The following TNFRSF21 variants were observed in gnomAD, a reference collection of about 807,000 sequenced individuals.
The protein encoded by TNFRSF21 is tumor necrosis factor receptor superfamily member 21.
In TNFRSF21, 19 loss-of-function variants were observed where a neutral mutation model predicts 45.6. That is an observed-to-expected ratio of 0.42 (90% CI 0.29 to 0.61). TNFRSF21 has a LOEUF of 0.61. TNFRSF21 is among the 20% of genes least tolerant of loss of function. The pLI is 0.23. For synonymous variants in TNFRSF21, 314 were observed against 335.5 expected (o/e 0.94, Z 0.70); for missense variants, 737 against 851.5 (o/e 0.87, Z 1.67).
At chr6:47,283,061 G>GA (rs917793188) in intron 3 of TNFRSF21, among the ~76,000 whole-genome samples, 15 of 152,148 alleles carry the variant, frequency 9.9e-5, no homozygotes, top group Non-Finnish European at 2.1e-4. Flanking sequence ...CTGCTTTTTA[G>GA]AAAAATAGAT....
chr6:47,273,228 C>T (rs1219487295), intron 3 of TNFRSF21, among the ~76,000 whole-genome samples: 1 of 152,184 alleles, frequency 6.6e-6, no homozygotes, highest in East Asian at 1.9e-4. Flanking sequence ...GAATTTTAGA[C>T]CAATATCCCT....
intron 3 of TNFRSF21, among the ~76,000 whole-genome samples, chr6:47,283,038 C>T (rs1762592135): frequency 1.3e-5 from 2 of 152,086 alleles, no homozygotes; most frequent in South Asian, 4.1e-4. Flanking sequence ...TTGTAAGACC[C>T]CAAAAAGCCA....
chr6:47,282,420 T>G (rs1412559854), intron 3 of TNFRSF21, among the ~76,000 whole-genome samples: 1 of 151,424 alleles, frequency 6.6e-6, no homozygotes, highest in African/African-American at 2.4e-5. Flanking sequence ...CTCAGAAAGT[T>G]TATGAATTTG....
chr6:47,262,862 T>C (rs1183935153), intron 3 of TNFRSF21, among the ~76,000 whole-genome samples: 1 of 152,138 alleles, frequency 6.6e-6, no homozygotes, highest in Admixed American at 6.6e-5. Flanking sequence ...CATCCGGCCT[T>C]TAAGCTGCTA....
chr6:47,240,061 G>A (rs528536116), intron 4 of TNFRSF21, among the ~76,000 whole-genome samples: 1 of 152,180 alleles, frequency 6.6e-6, no homozygotes, highest in Admixed American at 6.5e-5. Context: ...GCCCAGCCTG[G>A]ATGCTCTTTG....
chr6:47,234,687 C>A lies in TNFRSF21; in HGVS notation c.1721G>T (p.Gly574Val). The A allele has an allele frequency of 1.2e-6, 2 of 1,609,676 alleles. No individual in the cohort carries two copies. Among genetic ancestry groups the A allele is most frequent in the Non-Finnish European group, 8.5e-7 (1 of 1,178,178 alleles). ...GCCCGTACCTTTGGTAATAAAGGAA[C>A]CGTTCCTGCTCAGCGCGGAGGAGCC... The part of the protein sequence containing the change: ...SSGSSALSRN[G>V]SFITKEKKDT... Residue 574 changes from glycine (G) to valine (V), a missense_variant, in exon 5 of 6, where the codon GGT becomes GTT. Gly to Val is a moderately radical substitution (Grantham distance 109, BLOSUM62 -3). Coordinates refer to ENST00000296861, the MANE Select transcript of TNFRSF21 (RefSeq NM_014452.5).
rs1318866397 is a variant in TNFRSF21 at position 47,286,221 on chromosome 6, C to A, written c.471G>T (p.Arg157=). Reference sequence around the variant, plus strand: ...CATCCTCAGTCTCTGTCCCTTTCTTCCGCACACCCCAACCCACAGGACACA... The same window carrying A: ...CATCCTCAGTCTCTGTCCCTTTCTTACGCACACCCCAACCCACAGGACACA... ...HTVCPVGWGV[R]KKGTETEDVR... is the part of the protein sequence containing the mutation. Residue 157 remains arginine (R), a synonymous_variant, in exon 2 of 6, where the codon CGG becomes CGT. Transcript: ENST00000296861. 3 of 1,614,122 alleles carry A rather than the reference C, an allele frequency of 1.9e-6. No homozygotes were observed. The African/African-American group carries it at 4.0e-5, about 22-fold the overall frequency.
Position 47,232,456 on chromosome 6 carries a change from GA to G in TNFRSF21, c.*308del, listed in dbSNP as rs1420414186. 5.5e-5 allele frequency: 16 copies of G among 289,538 alleles called. No homozygotes were observed. The highest frequency in any genetic ancestry group is 4.8e-5 in the Admixed American group (1 of 20,984). 17.9% of individuals were successfully genotyped at this position (289,538 alleles called of 1,614,324 possible). On this transcript the variant is annotated 3_prime_UTR_variant, in exon 6 of 6. Coordinates refer to ENST00000296861, the MANE Select transcript of TNFRSF21 (RefSeq NM_014452.5). ...ACAGAATAATCTTGAAAATACATAA[GA>G]AGGCAAAATGGAGAAAATATGGAAC...
At chr6:47,266,974 A>G (rs958391959) in intron 3 of TNFRSF21, among the ~76,000 whole-genome samples, 4 of 152,110 alleles carry the variant, frequency 2.6e-5, no homozygotes, top group African/African-American at 7.2e-5. Flanking sequence ...TCACCCTATC[A>G]ACTTAGCAGG....
At chr6:47,246,650 C>T (rs771485427) in intron 4 of TNFRSF21, among the ~76,000 whole-genome samples, 14 of 152,284 alleles carry the variant, frequency 9.2e-5, no homozygotes, top group Non-Finnish European at 2.9e-5. Flanking sequence ...TTCTAAAAAG[C>T]TTGCTACTGA....
chr6:47,253,271 C>A lies in TNFRSF21; in HGVS notation c.1494G>T (p.Met498Ile). Reference sequence around the variant, plus strand: ...GCTCCATTACCTGGGTGGTGTCTTCCATCAGCCCACGAATCTTCTCCACAA... The same window carrying A: ...GCTCCATTACCTGGGTGGTGTCTTCAATCAGCCCACGAATCTTCTCCACAA... The part of the protein sequence containing the change: ...NDVVEKIRGL[M>I]EDTTQLETDK... Residue 498 changes from methionine to isoleucine, a missense_variant, in exon 4 of 6, where the codon ATG becomes ATT. Coordinates refer to ENST00000296861, the MANE Select transcript of TNFRSF21 (RefSeq NM_014452.5). The A allele has an allele frequency of 1.2e-6, 2 of 1,613,088 alleles. No individual in the cohort carries two copies. The highest frequency in any genetic ancestry group is 1.7e-6 in the Non-Finnish European group (2 of 1,179,426).
intron 3 of TNFRSF21, among the ~76,000 whole-genome samples, chr6:47,254,968 G>A (rs1430505443): frequency 6.6e-6 from 1 of 152,196 alleles, no homozygotes; most frequent in East Asian, 1.9e-4. Flanking sequence ...CAACTCACCA[G>A]TTTTGTAATT....
intron 4 of TNFRSF21, among the ~76,000 whole-genome samples, chr6:47,237,958 G>C (rs1023133975): frequency 1.3e-5 from 2 of 152,136 alleles, no homozygotes; most frequent in South Asian, 4.1e-4. Flanking sequence ...TCTGAGGCAG[G>C]AGAATCGCTT....
At position 47,264,618 on chromosome 6, in the gene TNFRSF21, G is replaced by A. The variant is rs1198517550; in HGVS notation, c.1244-11097C>T. 2.6e-5 allele frequency among the ~76,000 whole-genome samples: 4 copies of A among 152,202 alleles called. No individual in the cohort carries two copies. The East Asian group carries it at 5.8e-4, about 22-fold the overall frequency. ...ATCACAGTCTCTGACTCCCAAGGTC[G>A]AAGGCCATGCCTCTGGCCACCTTGT... is the stretch of plus-strand genomic sequence containing the variant. On this transcript the variant is annotated intron_variant, in intron 3 of 5. Transcript: ENST00000296861.
At chr6:47,287,449 A>C (rs1406620239) in intron 1 of TNFRSF21, among the ~76,000 whole-genome samples, 1 of 151,948 alleles carries the variant, frequency 6.6e-6, no homozygotes, top group East Asian at 1.9e-4. Context: ...TTAAAAAAAA[A>C]ACTTGCCCTG....
At chr6:47,270,545 C>A (rs1481237880) in intron 3 of TNFRSF21, among the ~76,000 whole-genome samples, 1 of 152,160 alleles carries the variant, frequency 6.6e-6, no homozygotes, top group Non-Finnish European at 1.5e-5. Flanking sequence ...GATAAAACCA[C>A]AAAGATGGGG....
chr6:47,271,361 A>G (rs1053579954), intron 3 of TNFRSF21, among the ~76,000 whole-genome samples: 3 of 152,240 alleles, frequency 2.0e-5, no homozygotes, highest in African/African-American at 7.2e-5. Flanking sequence ...GACAATATTT[A>G]ACATTCTTAA....
chr6:47,297,927 TC>T (rs1433186119), intron 1 of TNFRSF21, among the ~76,000 whole-genome samples: 3 of 151,810 alleles, frequency 2.0e-5, no homozygotes, highest in Admixed American at 1.3e-4. Context: ...AAACAAACCA[TC>T]CCGGACTTAG....
intron 4 of TNFRSF21, among the ~76,000 whole-genome samples, chr6:47,243,527 C>A (rs1308330527): frequency 6.6e-6 from 1 of 152,072 alleles, no homozygotes; most frequent in South Asian, 2.1e-4. Context: ...AATTGATTTT[C>A]GTGCCTTAGC....
Sources: allele counts gnomAD v4.1 joint callset (sites outside exome capture counted in the v4.1 genomes callset), GRCh38; gene constraint gnomAD v4.1.1; transcripts MANE v1.5; gene names NCBI Gene and HGNC (gene_info 2026-07-23, HGNC 2026-07-21).